Variants in DNASE1 observed in about 807,000 individuals in gnomAD.
DNASE1 encodes the protein deoxyribonuclease 1.
In DNASE1, 40 loss-of-function variants were observed where a neutral mutation model predicts 33.9. The ratio of observed to expected loss-of-function variants is 1.18; its 90% confidence interval spans 0.92 to 1.54. The LOEUF is 1.54. Among genes scored for constraint, DNASE1 ranks in the 40% most tolerant of loss-of-function variants. The pLI is 0.00. For synonymous variants in DNASE1, 216 were observed against 160.0 expected (o/e 1.35, Z -2.64); for missense variants, 518 against 372.6 (o/e 1.39, Z -3.21).
upstream of DNASE1, among the ~76,000 whole-genome samples, chr16:3,639,571 T>G (rs780510160): frequency 6.6e-6 from 1 of 152,190 alleles, no homozygotes; most frequent in Non-Finnish European, 1.5e-5. Flanking sequence ...ATCCTTCCCT[T>G]AGTTACCTCC....
intron 2 of DNASE1, 60 bp downstream of exon 2, chr16:3,655,580 G>A: frequency 1.2e-6 from 2 of 1,609,394 alleles, no homozygotes; most frequent in Non-Finnish European, 1.7e-6. Context: ...GGGCTGGTGG[G>A]CAGGGCCAGC....
At chr16:3,656,269 T>G (rs1190251387) in intron 4 of DNASE1, 84 bp downstream of exon 4, 2 of 1,431,912 alleles carry the variant, frequency 1.4e-6, no homozygotes, top group Admixed American at 3.5e-5. Context: ...CCTATTAGTT[T>G]GTCCTATGGC....
exon 10 of DNASE1, chr16:3,663,187 C>G (rs1444809011): frequency 1.3e-5 from 9 of 667,326 alleles, no homozygotes; most frequent in African/African-American, 1.8e-5. Flanking sequence ...TACACAGCCT[C>G]TCAAGAAGCT....
rs1042788553 is a variant in DNASE1 at position 3,635,818 on chromosome 16, G to T, written c.-1358-4897G>T. ...TTATCCTTACTCCTTTATAGGAAAG[G>T]AATTTATTTCCCTGTGGCTTCTCTC... On this transcript the variant is annotated intron_variant and NMD_transcript_variant, in intron 1 of 11. Coordinates refer to the DNASE1 transcript ENST00000570769. Among the ~76,000 whole-genome samples, 9 of 151,976 alleles carry T rather than the reference G, an allele frequency of 5.9e-5. No individual in the cohort carries two copies. The East Asian group carries it at 1.7e-3, about 29-fold the overall frequency.
chr16:3,619,964 G>A (rs113723249), intron 1 of DNASE1, among the ~76,000 whole-genome samples: 34 of 143,222 alleles, frequency 2.4e-4, no homozygotes, highest in African/African-American at 8.4e-4. Context: ...CACCTAGGCT[G>A]GAGTGCAGTG....
chr16:3,641,906 C>G (rs1408255010), upstream of DNASE1, among the ~76,000 whole-genome samples: 1 of 152,220 alleles, frequency 6.6e-6, no homozygotes, highest in Non-Finnish European at 1.5e-5. Flanking sequence ...GTGGAACCAG[C>G]CTTCCCAGCC....
chr16:3,623,193 C>A (rs2041383714), intron 1 of DNASE1, among the ~76,000 whole-genome samples: 1 of 152,104 alleles, frequency 6.6e-6, no homozygotes, highest in Non-Finnish European at 1.5e-5. Flanking sequence ...ATGCCACTTG[C>A]CTGCAACCAA....
At chr16:3,641,072 C>G (rs2042011500), upstream of DNASE1, 2 of 397,680 alleles carry the variant, frequency 5.0e-6, no homozygotes, top group Non-Finnish European at 8.8e-6. Flanking sequence ...GGTGCTGTTG[C>G]TGCTCCTGCG....
rs141780167 is a variant in DNASE1 at position 3,654,706 on chromosome 16, G to C, written c.-340G>C. ...ATTATCAGGTGCAGTTTTTACAGCA[G>C]CAAGAAACCTGTGCTTACAGAAAGA... On this transcript the variant is annotated 5_prime_UTR_variant, in exon 1 of 9. Coordinates refer to ENST00000246949, the MANE Select transcript of DNASE1 (RefSeq NM_005223.4). 4.5e-4 allele frequency: 179 copies of C among 399,482 alleles called. 2 individuals carry two copies. The East Asian group carries it at 6.3e-3, about 14-fold the overall frequency. 24.7% of individuals were successfully genotyped at this position (399,482 alleles called of 1,614,324 possible).
At chr16:3,661,861 A>ATAGT, downstream of DNASE1, 1 of 1,271,334 alleles carries the variant, frequency 7.9e-7, no homozygotes. Flanking sequence ...ACAGCTCCTT[A>ATAGT]TAGTTACCCA....
chr16:3,663,682 G>A lies in DNASE1; in HGVS notation c.*5729G>A, dbSNP rs113438869. 6.4e-4 allele frequency: 840 copies of A among 1,310,160 alleles called. 7 individuals are homozygous for A. The African/African-American group carries it at 0.011, about 17-fold the overall frequency. 81.2% of individuals were successfully genotyped at this position (1,310,160 alleles called of 1,614,324 possible). A position where few individuals can be genotyped will look rare whatever the true frequency, so the allele number is the denominator to read the frequency against. On this transcript the variant is annotated 3_prime_UTR_variant, in exon 10 of 10. Coordinates refer to the DNASE1 transcript ENST00000407479. The stretch of plus-strand genomic sequence containing the variant: ...GCGGGCCACACTGGGGAACACCGGG[G>A]CAGTTGGGGTTCCTAGGCCTGCATG...
upstream of DNASE1, chr16:3,654,463 A>G: frequency 2.5e-6 from 1 of 398,666 alleles, no homozygotes; most frequent in East Asian, 3.6e-5. Flanking sequence ...AGGGGGCTCC[A>G]TTTGCAACTT....
chr16:3,658,017 A>G lies in DNASE1; in HGVS notation c.*64A>G, dbSNP rs569037648. On this transcript the variant is annotated 3_prime_UTR_variant, in exon 9 of 9. Transcript: ENST00000246949. The stretch of plus-strand genomic sequence containing the variant: ...GGACCCATCCTGCCACAGGACCCAG[A>G]AAAAAAGCCCAACACACACTCGGGT... 1 of 1,610,846 alleles carries G rather than the reference A, an allele frequency of 6.2e-7. No homozygotes were observed. The highest frequency in any genetic ancestry group is 1.3e-5 in the African/African-American group (1 of 74,960).
chr16:3,623,320 C>T (rs997628841), intron 1 of DNASE1, among the ~76,000 whole-genome samples: 2 of 152,134 alleles, frequency 1.3e-5, no homozygotes, highest in African/African-American at 4.8e-5. Context: ...CTCTATCTCT[C>T]ACCGCATACA....
rs117920453 is a variant in DNASE1 at position 3,648,101 on chromosome 16, G to A, written c.-86+5065G>A. ...GAGAATTGCTCAAACTTGGGAGGCC[G>A]GAGGTTGCAGTGAGCCATGATGGCA... is the stretch of plus-strand genomic sequence containing the variant. On this transcript the variant is annotated intron_variant, in intron 1 of 9. Transcript: ENST00000407479. Among the ~76,000 whole-genome samples, 247 of 152,252 alleles carry A rather than the reference G, an allele frequency of 1.6e-3. 2 individuals carry two copies. In the East Asian group the frequency reaches 0.031, roughly 19 times the overall value.
At chr16:3,622,714 G>A (rs757528027) in intron 1 of DNASE1, among the ~76,000 whole-genome samples, 22 of 152,086 alleles carry the variant, frequency 1.4e-4, no homozygotes, top group Admixed American at 4.6e-4. Context: ...AGCCTCCCAC[G>A]TAGCTGGGAC....
At chr16:3,661,956 C>T, downstream of DNASE1, 7 of 1,564,224 alleles carry the variant, frequency 4.5e-6, no homozygotes, top group South Asian at 1.2e-5. Flanking sequence ...GGGAATCCCA[C>T]AGGCTGGAAG....
In DNASE1 at chr16:3,656,172, C is replaced by T. The variant is rs200188411; in HGVS notation, c.307C>T (p.Leu103=). The T allele has an allele frequency of 1.1e-5, 18 of 1,614,066 alleles. No homozygotes were observed. The highest frequency in any genetic ancestry group is 6.7e-5 in the Admixed American group (4 of 60,022). The part of the protein sequence containing the change: ...LGRNSYKERY[L]FVYRPDQVSA... ...ACGGAACAGCTATAAGGAGCGCTAC[C>T]TGTTCGTGTACAGGTGGGTGGTCTA... Residue 103 remains leucine (L), a synonymous_variant, in exon 4 of 9, where the codon CTG becomes TTG. Transcript: ENST00000246949.
chr16:3,664,713 G>A lies in DNASE1; in HGVS notation c.*6760G>A, dbSNP rs762660509. On this transcript the variant is annotated 3_prime_UTR_variant, in exon 10 of 10. Transcript: ENST00000407479. Reference sequence around the variant, plus strand: ...GCCCAGGGGCTCTCCAGGGAGCTACGCGCACCACGCCCTGGGAGGGGACCC... The same window carrying A: ...GCCCAGGGGCTCTCCAGGGAGCTACACGCACCACGCCCTGGGAGGGGACCC... The A allele has an allele frequency of 1.2e-4, 56 of 461,568 alleles. No homozygotes were observed. The South Asian group carries it at 1.4e-3, about 11-fold the overall frequency. The allele number at this position is 461,568 out of a possible 1,614,324, so 28.6% of individuals were successfully genotyped here.
Sources: gnomAD v4.1 joint callset for allele counts (sites outside exome capture counted in the v4.1 genomes callset) on GRCh38, gnomAD v4.1.1 for gene constraint, MANE v1.5 for transcripts, NCBI Gene and HGNC (gene_info 2026-07-23, HGNC 2026-07-21) for gene names.